B3GLCT: variants seen among roughly 807,000 people sequenced by gnomAD.
The protein encoded by B3GLCT is beta 3-glucosyltransferase, also known as beta-1,3-glucosyltransferase.
B3GLCT carries 65 observed loss-of-function variants against 63.4 expected under a neutral mutation model. The ratio of observed to expected loss-of-function variants is 1.03; its 90% confidence interval spans 0.84 to 1.26. The LOEUF (loss-of-function observed/expected upper bound fraction) is 1.26, where lower values mean the gene tolerates loss of function less well. B3GLCT is among the 50% of genes most tolerant of loss of function. B3GLCT has a pLI of 0.00. For missense variants in B3GLCT, 577 were observed against 604.8 expected (o/e 0.95, Z 0.48); for synonymous variants, 233 against 219.2 (o/e 1.06, Z -0.55).
chr13:31,274,473 TTC>T lies in B3GLCT; in HGVS notation c.661-34_661-33del, dbSNP rs778544341. Reference sequence around the variant, plus strand: ...CCTTCTTATACTTGTGTTGACTGAGTTCTTTCATCACTGCCTGTCTCCTGTCT... The same window carrying T: ...CCTTCTTATACTTGTGTTGACTGAGTTTTCATCACTGCCTGTCTCCTGTCT... On this transcript the variant is annotated intron_variant, in intron 8 of 14. Coordinates refer to ENST00000343307, the MANE Select transcript of B3GLCT (RefSeq NM_194318.4). The T allele has an allele frequency of 1.2e-5, 19 of 1,613,964 alleles. No individual in the cohort carries two copies. In the African/African-American group the frequency reaches 2.5e-4, roughly 22 times the overall value.
rs374328463 is a variant in B3GLCT, at chr13:31,252,427, T to C, written c.459+4461T>C. On this transcript the variant is annotated intron_variant, in intron 6 of 14. Coordinates refer to ENST00000343307, the MANE Select transcript of B3GLCT (RefSeq NM_194318.4). ...CAGTTAAAAGACACAGACTGGCAAATTGGATAAAGAGTTAAGACCCATCAG... is the reference window on the plus strand; with the variant it reads ...CAGTTAAAAGACACAGACTGGCAAACTGGATAAAGAGTTAAGACCCATCAG... Among the ~76,000 whole-genome samples, 18 of 152,054 alleles carry C rather than the reference T, an allele frequency of 1.2e-4. No individual in the cohort carries two copies. The East Asian group carries it at 2.9e-3, about 25-fold the overall frequency.
chr13:31,279,782 G>A (rs1004182463), intron 10 of B3GLCT, among the ~76,000 whole-genome samples: 2 of 152,160 alleles, frequency 1.3e-5, no homozygotes, highest in East Asian at 1.9e-4. Context: ...GGAGCGCTAC[G>A]GGAGACTGGG....
chr13:31,257,932 A>G (rs1045203334), intron 6 of B3GLCT, among the ~76,000 whole-genome samples: 1 of 152,174 alleles, frequency 6.6e-6, no homozygotes, highest in East Asian at 1.9e-4. Flanking sequence ...ATCCCTGCCC[A>G]CAAGGAGATG....
chr13:31,246,966 T>TTTTTA, intron 4 of B3GLCT, 57 bp from the exon 5 acceptor site: 1 of 1,093,844 alleles, frequency 9.1e-7, no homozygotes, highest in Non-Finnish European at 1.3e-6. Flanking sequence ...TTTTTTTTTT[T>TTTTTA]ACTTTTTTTC....
Position 31,203,665 on chromosome 13 carries a change from T to A in B3GLCT, c.70+3511T>A, listed in dbSNP as rs372278573. Among the ~76,000 whole-genome samples the A allele has an allele frequency of 3.7e-4, 56 of 152,350 alleles. 1 individual carries two copies. In the South Asian group the frequency reaches 0.011, roughly 30 times the overall value. The stretch of plus-strand genomic sequence containing the variant: ...ATTTGCAAATGTTCTGTTTTTCCTC[T>A]TGTAGCATTATGTGTGATCCATCTT... On this transcript the variant is annotated intron_variant, in intron 1 of 14. Coordinates refer to ENST00000343307, the MANE Select transcript of B3GLCT (RefSeq NM_194318.4).
At chr13:31,264,053 G>T (rs964075964) in intron 7 of B3GLCT, among the ~76,000 whole-genome samples, 2 of 152,094 alleles carry the variant, frequency 1.3e-5, no homozygotes, top group African/African-American at 4.8e-5. Context: ...TTTCCTTCTT[G>T]CTGTGTCCCC....
At chr13:31,284,578 C>G in intron 10 of B3GLCT, 70 bp from the exon 11 acceptor site, 1 of 851,148 alleles carries the variant, frequency 1.2e-6, no homozygotes, top group Non-Finnish European at 2.0e-6. Flanking sequence ...GATGATTATA[C>G]TGCCATTTTG....
intron 12 of B3GLCT, among the ~76,000 whole-genome samples, chr13:31,308,362 A>AAAAAAAAAAAAAAAAAAAAAAC (rs61561180): frequency 3.2e-5 from 2 of 61,888 alleles, no homozygotes; most frequent in South Asian, 7.5e-4. Flanking sequence ...AAAAAAAAAC[A>AAAAAAAAAAAAAAAAAAAAAAC]AAAAAAAAAG....
chr13:31,259,298 G>T (rs1325623497), intron 6 of B3GLCT, among the ~76,000 whole-genome samples: 1 of 152,044 alleles, frequency 6.6e-6, no homozygotes, highest in East Asian at 1.9e-4. Context: ...GGTGAGTTTG[G>T]CTAAATCTCA....
chr13:31,317,632 C>T lies in B3GLCT; in HGVS notation c.1131C>T (p.Arg377=). ...GCGAGCCTGTGTTTCTGGGAGAGCG[C>T]TACGGCTACGGCCTGGGCACTGGTG... ...DSGEPVFLGE[R]YGYGLGTGGY... is the part of the protein sequence containing the mutation. Residue 377 remains arginine, a synonymous_variant, in exon 13 of 15, where the codon CGC becomes CGT. Transcript: ENST00000343307. 1 of 1,614,058 alleles carries T rather than the reference C, an allele frequency of 6.2e-7. No individual in the cohort carries two copies. Among genetic ancestry groups the T allele is most frequent in the Non-Finnish European group, 8.5e-7 (1 of 1,179,976 alleles).
At chr13:31,245,603 A>G (rs951588725) in intron 4 of B3GLCT, among the ~76,000 whole-genome samples, 3 of 152,172 alleles carry the variant, frequency 2.0e-5, no homozygotes, top group Non-Finnish European at 4.4e-5. Context: ...TTGATACATA[A>G]TAACTCATTA....
rs1566083500 is a variant in B3GLCT at position 31,289,466 on chromosome 13, T to TTATAC, written c.1064+2648_1064+2649insATACT. On this transcript the variant is annotated intron_variant, in intron 12 of 14. Transcript: ENST00000343307. ...TTAGGACTTCACATGGCATATTATA[T>TTATAC]TCAGAATGTTTAAATTCAAGTGAAA... is the stretch of plus-strand genomic sequence containing the variant. Among the ~76,000 whole-genome samples the TTATAC allele has an allele frequency of 3.9e-5, 6 of 152,208 alleles. No individual in the cohort carries two copies. The South Asian group carries it at 1.0e-3, about 26-fold the overall frequency.
chr13:31,218,047 T>A (rs1733527143), intron 2 of B3GLCT, among the ~76,000 whole-genome samples: 1 of 152,242 alleles, frequency 6.6e-6, no homozygotes, highest in African/African-American at 2.4e-5. Context: ...ATATTTATTC[T>A]TCCTATTCAT....
intron 4 of B3GLCT, among the ~76,000 whole-genome samples, chr13:31,235,299 C>T (rs570750909): frequency 2.6e-5 from 4 of 152,126 alleles, no homozygotes; most frequent in South Asian, 4.1e-4. Context: ...ATTTGTTTTA[C>T]GCTCAGGAGA....
rs55928815 is a variant in B3GLCT, at chr13:31,207,094, C to T, written c.70+6940C>T. Among the ~76,000 whole-genome samples, 480 of 152,234 alleles carry T rather than the reference C, an allele frequency of 3.2e-3. 2 individuals are homozygous for T. Among genetic ancestry groups the T allele is most frequent in the Middle Eastern group, 6.8e-3 (2 of 294 alleles). ...GGATTGAGTGGTACTGAAAGGGGTA[C>T]TTACTTTATCTGTATGTCTGTTTAT... On this transcript the variant is annotated intron_variant, in intron 1 of 14. Coordinates refer to ENST00000343307, the MANE Select transcript of B3GLCT (RefSeq NM_194318.4).
At chr13:31,225,785 C>A (rs1307958609) in intron 3 of B3GLCT, among the ~76,000 whole-genome samples, 2 of 152,142 alleles carry the variant, frequency 1.3e-5, no homozygotes, top group African/African-American at 4.8e-5. Flanking sequence ...GGGACAGTGT[C>A]CTCCTTCCCT....
intron 3 of B3GLCT, among the ~76,000 whole-genome samples, chr13:31,223,609 A>G (rs1869941077): frequency 6.6e-6 from 1 of 152,176 alleles, no homozygotes; most frequent in South Asian, 2.1e-4. Flanking sequence ...CAGAAATGTG[A>G]CCAGGAGTTA....
At chr13:31,204,909 G>C (rs1868868692) in intron 1 of B3GLCT, among the ~76,000 whole-genome samples, 1 of 152,112 alleles carries the variant, frequency 6.6e-6, no homozygotes, top group African/African-American at 2.4e-5. Context: ...TACTAACTTG[G>C]GCACTGAAGG....
intron 4 of B3GLCT, among the ~76,000 whole-genome samples, chr13:31,236,793 G>A (rs117415641): frequency 3.5e-4 from 53 of 152,200 alleles, no homozygotes; most frequent in Admixed American, 5.9e-4. Flanking sequence ...CCACATGTAT[G>A]ATTAAAAGTT....
Sources: gnomAD v4.1 joint callset for allele counts (sites outside exome capture counted in the v4.1 genomes callset) on GRCh38, gnomAD v4.1.1 for gene constraint, MANE v1.5 for transcripts, NCBI Gene and HGNC (gene_info 2026-07-23, HGNC 2026-07-21) for gene names.